The following CAPZA1 variants were observed in gnomAD, a reference collection of about 807,000 sequenced individuals.
CAPZA1 encodes capping actin protein of muscle Z-line subunit alpha 1, also known as F-actin-capping protein subunit alpha-1.
A neutral mutation model predicts 40.8 loss-of-function variants in CAPZA1; 10 were observed. The observed-to-expected ratio is 0.25, with a 90% CI of 0.15 to 0.42. CAPZA1 has a LOEUF of 0.42. CAPZA1 is among the 10% of genes least tolerant of loss of function. The probability of loss-of-function intolerance (pLI) is 1.00; values close to 1 mark genes in which losing one functional copy is unlikely to be tolerated. For synonymous variants in CAPZA1, 98 were observed against 115.0 expected, an observed-to-expected ratio of 0.85 and a Z score of 0.95; for missense variants, 277 against 353.8, an observed-to-expected ratio of 0.78 and a Z score of 1.74.
chr1:112,628,081 A>G (rs951944677), intron 1 of CAPZA1, among the ~76,000 whole-genome samples: 1 of 152,230 alleles, frequency 6.6e-6, no homozygotes, highest in Admixed American at 6.5e-5. Context: ...AAAGATCACT[A>G]AAGTCCCCGT....
At chr1:112,642,202 CTTTTTTTTTTTTTTTTT>C (rs770352173) in intron 1 of CAPZA1, among the ~76,000 whole-genome samples, 1 of 59,008 alleles carries the variant, frequency 1.7e-5, no homozygotes, top group South Asian at 9.2e-4. Context: ...TACCCCGCAC[CTTTTTTTTTTTTTTTTT>C]TTTTTTTTTT....
chr1:112,653,809 T>C (rs1671447174), intron 4 of CAPZA1, 148 bp downstream of exon 4: 3 of 572,658 alleles, frequency 5.2e-6, no homozygotes, highest in Non-Finnish European at 9.3e-6. Flanking sequence ...AGGATATTCT[T>C]CTCTTTCTCA....
chr1:112,665,203 G>T (rs1671701919), intron 7 of CAPZA1, among the ~76,000 whole-genome samples: 2 of 130,144 alleles, frequency 1.5e-5, no homozygotes, highest in South Asian at 2.6e-4. Context: ...TTGAGACAGA[G>T]TCTTACTCTG....
At chr1:112,619,931 G>A in intron 1 of CAPZA1, 48 bp downstream of exon 1, 3 of 1,516,216 alleles carry the variant, frequency 2.0e-6, no homozygotes, top group Non-Finnish European at 2.7e-6. Flanking sequence ...ACAGGGAACT[G>A]GGGCCCGGCC....
At chr1:112,666,315 G>A (rs531756649) in intron 7 of CAPZA1, among the ~76,000 whole-genome samples, 39 of 150,220 alleles carry the variant, frequency 2.6e-4, no homozygotes, top group African/African-American at 8.6e-4. Context: ...CTACTTAGGT[G>A]ACAACTACTG....
At chr1:112,649,543 C>A in intron 3 of CAPZA1, 74 bp downstream of exon 3, 1 of 1,205,764 alleles carries the variant, frequency 8.3e-7, no homozygotes, top group South Asian at 1.3e-5. Flanking sequence ...AAACTAGCAC[C>A]CTGAAAACAA....
chr1:112,619,833 G>T lies in CAPZA1; in HGVS notation c.-12G>T. ...TCGCGCCCGTAGCCGGGCTGGGCCA[G>T]AACAGCCCAAGATGGCCGACTTCGA... is the stretch of plus-strand genomic sequence containing the variant. On this transcript the variant is annotated 5_prime_UTR_variant, in exon 1 of 10. Coordinates refer to ENST00000263168, the MANE Select transcript of CAPZA1 (RefSeq NM_006135.3). 6.2e-7 allele frequency: 1 copy of T among 1,612,382 alleles called. No homozygotes were observed. The highest frequency in any genetic ancestry group is 8.5e-7 in the Non-Finnish European group (1 of 1,179,144).
chr1:112,622,934 G>A (rs1670707789), intron 1 of CAPZA1, among the ~76,000 whole-genome samples: 1 of 149,396 alleles, frequency 6.7e-6, no homozygotes. Context: ...CCAGCGGGCT[G>A]GAGTGCAGTG....
intron 8 of CAPZA1, among the ~76,000 whole-genome samples, chr1:112,667,411 T>G (rs1303810864): frequency 1.3e-5 from 2 of 152,236 alleles, no homozygotes; most frequent in East Asian, 3.8e-4. Context: ...CAGCAATACC[T>G]TCATTCAATA....
At chr1:112,667,696 G>C (rs2101193599) in intron 8 of CAPZA1, among the ~76,000 whole-genome samples, 1 of 152,050 alleles carries the variant, frequency 6.6e-6, no homozygotes, top group Non-Finnish European at 1.5e-5. Context: ...ACCATGCCCA[G>C]CTAATTTTTT....
chr1:112,633,039 G>A (rs1384664945), intron 1 of CAPZA1, among the ~76,000 whole-genome samples: 1 of 152,082 alleles, frequency 6.6e-6, no homozygotes, highest in Non-Finnish European at 1.5e-5. Flanking sequence ...GGTCTCAGCT[G>A]GGAAAATAAT....
intron 3 of CAPZA1, 128 bp from the exon 4 acceptor site, chr1:112,653,470 G>C (rs1227563350): frequency 9.2e-6 from 6 of 651,724 alleles, no homozygotes; most frequent in Non-Finnish European, 7.8e-6. Context: ...GAAGGGAAAA[G>C]TACAGGGTAC....
intron 7 of CAPZA1, among the ~76,000 whole-genome samples, chr1:112,660,838 C>CT (rs67876993): frequency 0.024 from 1,597 of 65,898 alleles, 71 homozygotes; most frequent in African/African-American, 0.066. Context: ...CAAGAGTTGT[C>CT]TTTTTTTTTT....
At chr1:112,648,530 A>T (rs1198166802) in intron 2 of CAPZA1, among the ~76,000 whole-genome samples, 1 of 151,204 alleles carries the variant, frequency 6.6e-6, no homozygotes, top group African/African-American at 2.4e-5. Flanking sequence ...GTTGGCCAGG[A>T]TGGTCTCGAT....
At chr1:112,623,164 C>T (rs1036377147) in intron 1 of CAPZA1, among the ~76,000 whole-genome samples, 8 of 152,118 alleles carry the variant, frequency 5.3e-5, no homozygotes, top group East Asian at 1.9e-4. Context: ...AGATTGCAGG[C>T]GTGAGTCACT....
chr1:112,661,186 C>G lies in CAPZA1; in HGVS notation c.585+1407C>G, dbSNP rs200484776. Among the ~76,000 whole-genome samples, 9 of 152,124 alleles carry G rather than the reference C, an allele frequency of 5.9e-5. No homozygotes were observed. The East Asian group carries it at 1.5e-3, about 26-fold the overall frequency. ...TAAATTCTGTAAAAGTAAATCTGCT[C>G]TTTTTATATATACCTATAGCTTCCT... On this transcript the variant is annotated intron_variant, in intron 7 of 9. Coordinates refer to ENST00000263168, the MANE Select transcript of CAPZA1 (RefSeq NM_006135.3).
At chr1:112,658,892 T>C in intron 5 of CAPZA1, 130 bp from the exon 6 acceptor site, 1 of 686,248 alleles carries the variant, frequency 1.5e-6, no homozygotes, top group Admixed American at 2.4e-5. Context: ...ATGTGCACTA[T>C]TGTGTTCTAA....
At chr1:112,651,218 C>T (rs1557734113) in intron 3 of CAPZA1, among the ~76,000 whole-genome samples, 1 of 152,176 alleles carries the variant, frequency 6.6e-6, no homozygotes, top group Non-Finnish European at 1.5e-5. Context: ...AATTCCAGCG[C>T]TTCTGGAATA....
rs1183970183 is a variant in CAPZA1, at chr1:112,671,013, A to G, written c.*881A>G. ...TTTATGGCAGGATTGTACTATAAGC[A>G]AATGAATTAAACAGCTATGTAAATC... is the stretch of plus-strand genomic sequence containing the variant. On this transcript the variant is annotated 3_prime_UTR_variant, in exon 10 of 10. Transcript: ENST00000263168. 6.5e-6 allele frequency: 1 copy of G among 152,680 alleles called. No homozygotes were observed. Among genetic ancestry groups the G allele is most frequent in the Non-Finnish European group, 1.5e-5 (1 of 68,048 alleles). 9.5% of individuals were successfully genotyped at this position (152,680 alleles called of 1,614,324 possible). A position where few individuals can be genotyped will look rare whatever the true frequency, so the allele number is the denominator to read the frequency against.
Sources: allele counts gnomAD v4.1 joint callset (sites outside exome capture counted in the v4.1 genomes callset), GRCh38; gene constraint gnomAD v4.1.1; transcripts MANE v1.5; gene names NCBI Gene and HGNC (gene_info 2026-07-23, HGNC 2026-07-21).